PCDHGA4: variants seen among roughly 807,000 people sequenced by gnomAD.
The protein encoded by PCDHGA4 is protocadherin gamma-A4.
PCDHGA4 carries 38 observed loss-of-function variants against 54.6 expected under a neutral mutation model. That is an observed-to-expected ratio of 0.70 (90% CI 0.54 to 0.91). PCDHGA4 has a LOEUF of 0.91. PCDHGA4 is among the 40% of genes least tolerant of loss of function. The probability of loss-of-function intolerance (pLI) is 0.00; values close to 1 mark genes in which losing one functional copy is unlikely to be tolerated. For synonymous variants in PCDHGA4, 511 were observed against 512.9 expected, an observed-to-expected ratio of 1.00 and a Z score of 0.05; for missense variants, 1,298 against 1,220.9, an observed-to-expected ratio of 1.06 and a Z score of -0.94.
intron 1 of PCDHGA4, among the ~76,000 whole-genome samples, chr5:141,462,086 A>C (rs993185274): frequency 6.6e-6 from 1 of 151,410 alleles, no homozygotes; most frequent in Non-Finnish European, 1.5e-5. Flanking sequence ...GCCTCCCAAA[A>C]TGCTGGGATT....
chr5:141,391,681 T>TC (rs2092407596), intron 1 of PCDHGA4: 4 of 152,210 alleles, frequency 2.6e-5, no homozygotes, highest in Admixed American at 2.6e-4. Context: ...TGAAATAAGT[T>TC]CATCTGCTAC....
At chr5:141,427,773 C>T (rs1285483564) in intron 1 of PCDHGA4, 1 of 1,414,460 alleles carries the variant, frequency 7.1e-7, no homozygotes, top group Non-Finnish European at 9.9e-7. Flanking sequence ...CTTGGAGCTG[C>T]GGGCACTGTC....
chr5:141,448,192 TACAAAC>T (rs2098573842), intron 1 of PCDHGA4, among the ~76,000 whole-genome samples: 1 of 152,188 alleles, frequency 6.6e-6, no homozygotes, highest in Non-Finnish European at 1.5e-5. Flanking sequence ...TATGTACACT[TACAAAC>T]ATTTTCTGTG....
intron 1 of PCDHGA4, chr5:141,398,744 GTTACCATCGT>G (rs765550213): frequency 1.3e-4 from 209 of 1,613,736 alleles, no homozygotes; most frequent in Non-Finnish European, 1.7e-4. Context: ...GAACAACAGA[GTTACCATCGT>G]TTAGTCCTGA....
intron 1 of PCDHGA4, chr5:141,365,007 C>A (rs776739278): frequency 1.9e-6 from 3 of 1,613,922 alleles, no homozygotes; most frequent in Non-Finnish European, 2.5e-6. Flanking sequence ...TCCGGCACCA[C>A]GCACATCCGT....
chr5:141,383,304 G>T (rs1779007855), intron 1 of PCDHGA4: 1 of 1,613,800 alleles, frequency 6.2e-7, no homozygotes. Context: ...GATTCTTGAC[G>T]GAAGAAATAA....
At chr5:141,418,769 C>A (rs1488222030) in intron 1 of PCDHGA4, 2 of 1,613,828 alleles carry the variant, frequency 1.2e-6, no homozygotes, top group East Asian at 4.5e-5. Flanking sequence ...CATTCTAACT[C>A]AGCAGCCTTT....
At position 141,478,875 on chromosome 5, in the gene PCDHGA4, G is replaced by A. The variant is rs913320768; in HGVS notation, c.2515-15932G>A. On this transcript the variant is annotated intron_variant, in intron 1 of 3. Coordinates refer to ENST00000571252, the MANE Select transcript of PCDHGA4 (RefSeq NM_018917.4). ...ACAAGATCTCAGCGATCAGAGTTTA[G>A]CTTGGTATCATTTACATTAGGAATA... The A allele has an allele frequency of 2.4e-6, 3 of 1,273,470 alleles. No homozygotes were observed. The South Asian group carries it at 4.8e-5, about 21-fold the overall frequency. 78.9% of individuals were successfully genotyped at this position (1,273,470 alleles called of 1,614,324 possible).
At chr5:141,426,231 C>A in intron 1 of PCDHGA4, 1 of 158,042 alleles carries the variant, frequency 6.3e-6, no homozygotes, top group Non-Finnish European at 1.4e-5. Flanking sequence ...ATTTTAAAAG[C>A]ACTTTGTGAA....
At chr5:141,456,635 A>G (rs558958846) in intron 1 of PCDHGA4, among the ~76,000 whole-genome samples, 17 of 152,194 alleles carry the variant, frequency 1.1e-4, no homozygotes, top group Non-Finnish European at 2.2e-4. Context: ...CTTCTTTACT[A>G]CAGGTGTTAA....
At chr5:141,366,410 G>C in intron 1 of PCDHGA4, 1 of 1,614,204 alleles carries the variant, frequency 6.2e-7, no homozygotes, top group South Asian at 1.1e-5. Context: ...ACTCTATCTT[G>C]TGGTGGCAGT....
At chr5:141,428,750 C>G (rs1282306626) in intron 1 of PCDHGA4, 1 of 154,730 alleles carries the variant, frequency 6.5e-6, no homozygotes, top group African/African-American at 2.4e-5. Flanking sequence ...ACTATTGCTT[C>G]AGGTTTGTTT....
chr5:141,386,729 G>A (rs2090690425), intron 1 of PCDHGA4, among the ~76,000 whole-genome samples: 1 of 152,182 alleles, frequency 6.6e-6, no homozygotes, highest in South Asian at 2.1e-4. Context: ...CAATGTTACT[G>A]AGGGAAGATC....
chr5:141,419,539 G>A, intron 1 of PCDHGA4: 3 of 1,612,058 alleles, frequency 1.9e-6, no homozygotes, highest in Non-Finnish European at 2.5e-6. Flanking sequence ...ACAACGCACC[G>A]CGGGTGCTGT....
rs775331499 is a variant in PCDHGA4 at position 141,422,779 on chromosome 5, C to T, written c.2514+65158C>T. The T allele has an allele frequency of 8.7e-6, 14 of 1,614,070 alleles. No homozygotes were observed. In the East Asian group the frequency reaches 2.9e-4, roughly 33 times the overall value. ...CTCCAACACTGGTGTTCTCTATGCC[C>T]TACAATCCTTCGACTATGAGCAGTT... On this transcript the variant is annotated intron_variant, in intron 1 of 3. Transcript: ENST00000571252.
rs373446844 is a variant in PCDHGA4, at chr5:141,486,661, G to A, written c.2515-8146G>A. The A allele has an allele frequency of 3.1e-6, 5 of 1,613,836 alleles. No individual in the cohort carries two copies. In the African/African-American group the frequency reaches 4.0e-5, roughly 13 times the overall value. On this transcript the variant is annotated intron_variant, in intron 1 of 3. Transcript: ENST00000571252. The surrounding 1 kb of genome is among the most constrained non-coding windows in gnomAD (Gnocchi z 5.0). The stretch of plus-strand genomic sequence containing the variant: ...CGCTTATCTCCTACTCACTCCTGGA[G>A]CCCAGGAATCGAGATGTATCAGCTT...
Position 141,383,405 on chromosome 5 carries a change from G to A in PCDHGA4, c.2514+25784G>A, listed in dbSNP as rs189408749. 100 of 1,614,016 alleles carry A rather than the reference G, an allele frequency of 6.2e-5. No individual in the cohort carries two copies. In the Middle Eastern group the frequency reaches 9.9e-4, roughly 16 times the overall value. ...GATGTGGGCACGAACTCCCTCCAGA[G>A]TTACCAGCTCAGCCCCAATCGCCAC... On this transcript the variant is annotated intron_variant, in intron 1 of 3. Coordinates refer to ENST00000571252, the MANE Select transcript of PCDHGA4 (RefSeq NM_018917.4).
At chr5:141,444,152 A>ATTTTT (rs747671382) in intron 1 of PCDHGA4, among the ~76,000 whole-genome samples, 10 of 33,898 alleles carry the variant, frequency 3.0e-4, no homozygotes, top group Middle Eastern at 0.019. Context: ...TGTGTACTGG[A>ATTTTT]TTTTTTTTTT....
At chr5:141,445,169 T>C (rs2098458681) in intron 1 of PCDHGA4, among the ~76,000 whole-genome samples, 3 of 152,320 alleles carry the variant, frequency 2.0e-5, no homozygotes, top group Non-Finnish European at 1.5e-5. Flanking sequence ...TACAGAAAAA[T>C]GAAAAACTAT....
Sources: gnomAD v4.1 joint callset for allele counts (sites outside exome capture counted in the v4.1 genomes callset) on GRCh38, gnomAD v4.1.1 for gene constraint, Gnocchi (gnomAD v3.1) non-coding constraint, MANE v1.5 for transcripts, NCBI Gene and HGNC (gene_info 2026-07-23, HGNC 2026-07-21) for gene names.